The following ADAM23 variants were observed in gnomAD, a reference collection of about 807,000 sequenced individuals.
ADAM23 encodes ADAM metallopeptidase domain 23.
ADAM23 carries 33 observed loss-of-function variants against 120.1 expected under a neutral mutation model. The observed-to-expected ratio is 0.27, with a 90% confidence interval of 0.21 to 0.37. The LOEUF (loss-of-function observed/expected upper bound fraction) is 0.37, where lower values mean the gene tolerates loss of function less well. Among genes scored for constraint, ADAM23 ranks in the 10% least tolerant of loss-of-function variants. ADAM23 has a pLI of 1.00. For synonymous variants in ADAM23, 367 were observed against 375.2 expected (o/e 0.98, Z 0.25); for missense variants, 862 against 1,058.2 (o/e 0.81, Z 2.57).
chr2:206,524,926 A>G (rs768808952), intron 3 of ADAM23, among the ~76,000 whole-genome samples: 1 of 152,180 alleles, frequency 6.6e-6, no homozygotes, highest in Non-Finnish European at 1.5e-5. Flanking sequence ...GCTTACTAGA[A>G]TCTCAGCTTT....
intron 19 of ADAM23, 151 bp from the exon 20 acceptor site, chr2:206,587,940 G>T: frequency 1.4e-6 from 1 of 699,928 alleles, no homozygotes. Flanking sequence ...TTATTCTTGA[G>T]ATATTTGTGA....
chr2:206,547,522 G>A lies in ADAM23; in HGVS notation c.793+21G>A, dbSNP rs757799081. ...TCTCAGTAAGTTTTAACTAAAAATA[G>A]CGATTATATTTTATGTAGTATGAGC... On this transcript the variant is annotated intron_variant, in intron 7 of 25. Coordinates refer to ENST00000264377, the MANE Select transcript of ADAM23 (RefSeq NM_003812.4). 5 of 1,581,352 alleles carry A rather than the reference G, an allele frequency of 3.2e-6. No individual in the cohort carries two copies. In the South Asian group the frequency reaches 4.5e-5, roughly 14 times the overall value.
At chr2:206,480,911 G>A (rs1695882827) in intron 2 of ADAM23, among the ~76,000 whole-genome samples, 1 of 152,172 alleles carries the variant, frequency 6.6e-6, no homozygotes, top group Non-Finnish European at 1.5e-5. Context: ...CTGAAATCAA[G>A]CTTTAATTAG....
At chr2:206,563,758 C>T (rs1697819093) in intron 13 of ADAM23, among the ~76,000 whole-genome samples, 2 of 144,166 alleles carry the variant, frequency 1.4e-5, no homozygotes, top group Admixed American at 7.1e-5. Context: ...GAGAATGAGT[C>T]TCACTCTGTC....
At chr2:206,483,506 G>A (rs768701943) in intron 3 of ADAM23, among the ~76,000 whole-genome samples, 3 of 152,086 alleles carry the variant, frequency 2.0e-5, no homozygotes, top group Non-Finnish European at 2.9e-5. Flanking sequence ...TACCGAGGGA[G>A]GGTAGGTAGA....
At chr2:206,608,139 G>C (rs1029348114) in intron 24 of ADAM23, 2 of 293,702 alleles carry the variant, frequency 6.8e-6, no homozygotes, top group Non-Finnish European at 1.3e-5. Context: ...TAAAAGGCCA[G>C]ATGGTAAATA....
intron 24 of ADAM23, among the ~76,000 whole-genome samples, chr2:206,600,082 G>A (rs1698610475): frequency 6.6e-6 from 1 of 152,130 alleles, no homozygotes; most frequent in South Asian, 2.1e-4. Flanking sequence ...GGCACCTGTA[G>A]TCCCAGCTAC....
intron 18 of ADAM23, 42 bp downstream of exon 18, chr2:206,573,237 A>C: frequency 1.3e-6 from 2 of 1,574,016 alleles, no homozygotes; most frequent in Non-Finnish European, 1.7e-6. Context: ...TTACTTGTAC[A>C]GGTTGAGTAT....
intron 2 of ADAM23, among the ~76,000 whole-genome samples, chr2:206,479,865 A>G (rs981926564): frequency 2.0e-5 from 3 of 152,108 alleles, no homozygotes; most frequent in African/African-American, 7.2e-5. Context: ...TCCTTTTTAC[A>G]TTTTATGGAT....
chr2:206,536,196 GGCCGAATGCTATTCCATT>G (rs1378954201), intron 4 of ADAM23, among the ~76,000 whole-genome samples: 2 of 152,094 alleles, frequency 1.3e-5, no homozygotes, highest in Non-Finnish European at 1.5e-5. Context: ...CCTTCTTTAA[GGCCGAATGCTATTCCATT>G]GCGTGTGTGT....
At chr2:206,599,778 TTTA>T (rs1487810491) in intron 24 of ADAM23, among the ~76,000 whole-genome samples, 1 of 152,204 alleles carries the variant, frequency 6.6e-6, no homozygotes, top group African/African-American at 2.4e-5. Flanking sequence ...CACTTTTCAG[TTTA>T]TCCATATTCA....
chr2:206,536,108 A>G (rs902011315), intron 4 of ADAM23, among the ~76,000 whole-genome samples: 1 of 152,292 alleles, frequency 6.6e-6, no homozygotes, highest in East Asian at 1.9e-4. Context: ...ATTCCTGTTC[A>G]TTCATTAAAC....
chr2:206,485,478 G>A (rs1695991990), intron 3 of ADAM23, among the ~76,000 whole-genome samples: 1 of 152,186 alleles, frequency 6.6e-6, no homozygotes, highest in Non-Finnish European at 1.5e-5. Context: ...GTTACCATAA[G>A]TTAATCCAGG....
At chr2:206,449,441 G>A (rs942288901) in intron 2 of ADAM23, among the ~76,000 whole-genome samples, 3 of 152,200 alleles carry the variant, frequency 2.0e-5, no homozygotes, top group Admixed American at 1.3e-4. Flanking sequence ...TCCTAGGAGA[G>A]TTAAGGAAGC....
intron 23 of ADAM23, among the ~76,000 whole-genome samples, chr2:206,595,150 C>A (rs1019122345): frequency 6.6e-6 from 1 of 152,148 alleles, no homozygotes; most frequent in Non-Finnish European, 1.5e-5. Context: ...CACTGCACTC[C>A]AGCCTGGCGA....
In ADAM23 at chr2:206,620,463, T is replaced by A. The variant is rs953638624; in HGVS notation, c.*2836T>A. 6 of 152,226 alleles carry A rather than the reference T, an allele frequency of 3.9e-5. No homozygotes were observed. Among genetic ancestry groups the A allele is most frequent in the Admixed American group, 2.6e-4 (4 of 15,274 alleles). 9.4% of individuals were successfully genotyped at this position (152,226 alleles called of 1,614,324 possible). On this transcript the variant is annotated 3_prime_UTR_variant, in exon 26 of 26. Transcript: ENST00000264377. ...TTTTTGATGGTATTAGGTTATGTAG[T>A]TTCAAACTCTTTGCTGTATTTTGTT... is the stretch of plus-strand genomic sequence containing the variant.
chr2:206,608,630 T>C (rs1313379383), intron 24 of ADAM23, among the ~76,000 whole-genome samples: 2 of 151,956 alleles, frequency 1.3e-5, no homozygotes, highest in Non-Finnish European at 2.9e-5. Flanking sequence ...AGACGGTCAG[T>C]GGTTAGTCTT....
In ADAM23 at chr2:206,619,905, C is replaced by A; in HGVS notation, c.*2278C>A. 1 of 152,210 alleles carries A rather than the reference C, an allele frequency of 6.6e-6. No homozygotes were observed. Among genetic ancestry groups the A allele is most frequent in the East Asian group, 1.9e-4 (1 of 5,200 alleles). The allele number at this position is 152,210 out of a possible 1,614,324, so 9.4% of individuals were successfully genotyped here. Reference sequence around the variant, plus strand: ...CTATCTACAAGGCCTCTCAGCCTTACTCCTGGCTTCATAGGACACAGGTAG... The same window carrying A: ...CTATCTACAAGGCCTCTCAGCCTTAATCCTGGCTTCATAGGACACAGGTAG... On this transcript the variant is annotated 3_prime_UTR_variant, in exon 26 of 26. Coordinates refer to ENST00000264377, the MANE Select transcript of ADAM23 (RefSeq NM_003812.4).
intron 18 of ADAM23, among the ~76,000 whole-genome samples, chr2:206,583,184 G>T (rs948812145): frequency 1.3e-5 from 2 of 152,218 alleles, no homozygotes. Flanking sequence ...GCCGGGCACA[G>T]TGGCTCATGC....
Sources: allele counts gnomAD v4.1 joint callset (sites outside exome capture counted in the v4.1 genomes callset), GRCh38; gene constraint gnomAD v4.1.1; transcripts MANE v1.5; gene names NCBI Gene and HGNC (gene_info 2026-07-23, HGNC 2026-07-21).